ZNF385D: variants seen among roughly 807,000 people sequenced by gnomAD.
The protein encoded by ZNF385D is zinc finger protein 659.
ZNF385D carries 15 observed loss-of-function variants against 35.8 expected under a neutral mutation model. The observed-to-expected ratio is 0.42, with a 90% CI of 0.28 to 0.64. ZNF385D has a LOEUF of 0.64. Among genes scored for constraint, ZNF385D ranks in the 30% least tolerant of loss-of-function variants. The pLI is 0.23. For synonymous variants in ZNF385D, 212 were observed against 186.8 expected, an observed-to-expected ratio of 1.13 and a Z score of -1.10; for missense variants, 474 against 494.6, an observed-to-expected ratio of 0.96 and a Z score of 0.39.
intron 2 of ZNF385D, among the ~76,000 whole-genome samples, chr3:22,249,702 C>G (rs1263694762): frequency 6.6e-6 from 1 of 152,142 alleles, no homozygotes; most frequent in Non-Finnish European, 1.5e-5. Context: ...TTTTGACAAA[C>G]CCTTTCAAAG....
At chr3:22,205,418 C>A (rs1481976439) in intron 2 of ZNF385D, among the ~76,000 whole-genome samples, 1 of 151,488 alleles carries the variant, frequency 6.6e-6, no homozygotes, top group African/African-American at 2.4e-5. Context: ...TTATGAGCAA[C>A]AATAAATCAT....
chr3:21,873,880 C>A (rs1384560983), intron 3 of ZNF385D, among the ~76,000 whole-genome samples: 2 of 151,936 alleles, frequency 1.3e-5, no homozygotes, highest in Non-Finnish European at 2.9e-5. Context: ...AACTATTTTT[C>A]TCTCCATGAA....
At chr3:21,423,885 G>A in intron 7 of ZNF385D, 78 bp downstream of exon 7, 2 of 1,398,222 alleles carry the variant, frequency 1.4e-6, no homozygotes, top group South Asian at 2.5e-5. Flanking sequence ...GTTAAAGGTG[G>A]CAAAATGCCA....
chr3:21,770,096 T>G (rs2071011126), intron 3 of ZNF385D, among the ~76,000 whole-genome samples: 1 of 152,132 alleles, frequency 6.6e-6, no homozygotes, highest in South Asian at 2.1e-4. Flanking sequence ...TCAAGATGGA[T>G]TAAAGACTTA....
chr3:21,698,713 T>C (rs2067560613), intron 1 of ZNF385D, among the ~76,000 whole-genome samples: 1 of 148,380 alleles, frequency 6.7e-6, no homozygotes, highest in Non-Finnish European at 1.5e-5. Context: ...AGAAGACATT[T>C]ATGCAGCCAA....
At chr3:21,493,802 C>G (rs1449274318) in intron 4 of ZNF385D, among the ~76,000 whole-genome samples, 1 of 151,996 alleles carries the variant, frequency 6.6e-6, no homozygotes, top group Non-Finnish European at 1.5e-5. Context: ...TAAAGATCAC[C>G]TTAGTTGCCT....
At chr3:21,596,050 C>T (rs975286513) in intron 2 of ZNF385D, among the ~76,000 whole-genome samples, 1 of 152,108 alleles carries the variant, frequency 6.6e-6, no homozygotes, top group African/African-American at 2.4e-5. Context: ...GTGGTAAGAA[C>T]CAGCAATTTA....
At chr3:21,873,091 G>C (rs1398069108) in intron 3 of ZNF385D, among the ~76,000 whole-genome samples, 2 of 151,996 alleles carry the variant, frequency 1.3e-5, no homozygotes, top group African/African-American at 4.8e-5. Context: ...GGTACAAGTG[G>C]ATTTTATAAA....
intron 3 of ZNF385D, among the ~76,000 whole-genome samples, chr3:21,547,948 G>A (rs2062435087): frequency 6.6e-6 from 1 of 152,090 alleles, no homozygotes. Flanking sequence ...AGACAGCCAG[G>A]TGGGAGGGGG....
intron 3 of ZNF385D, among the ~76,000 whole-genome samples, chr3:21,785,963 G>A (rs184457609): frequency 1.2e-4 from 18 of 151,708 alleles, no homozygotes; most frequent in South Asian, 1.0e-3. Context: ...GTGAGAAAGC[G>A]AGAAACAAAA....
intron 3 of ZNF385D, among the ~76,000 whole-genome samples, chr3:21,937,821 T>G (rs1419032751): frequency 6.6e-6 from 1 of 152,226 alleles, no homozygotes; most frequent in Non-Finnish European, 1.5e-5. Context: ...TTGCTTTAAA[T>G]GTAGTTAATA....
intron 2 of ZNF385D, among the ~76,000 whole-genome samples, chr3:22,228,821 T>C (rs1227632990): frequency 6.6e-6 from 1 of 152,076 alleles, no homozygotes; most frequent in Non-Finnish European, 1.5e-5. Context: ...ACTGGCTGAG[T>C]CTTCTGACCT....
intron 3 of ZNF385D, among the ~76,000 whole-genome samples, chr3:21,870,533 A>G (rs1336180292): frequency 6.6e-6 from 1 of 152,136 alleles, no homozygotes; most frequent in Non-Finnish European, 1.5e-5. Flanking sequence ...AATGTATCTG[A>G]TCTCTGATTT....
intron 7 of ZNF385D, among the ~76,000 whole-genome samples, chr3:21,423,459 A>T (rs540802937): frequency 6.6e-6 from 1 of 152,322 alleles, no homozygotes; most frequent in African/African-American, 2.4e-5. Flanking sequence ...CTGTTCATCA[A>T]TATTCATCTA....
chr3:21,869,394 T>C (rs1415148086), intron 3 of ZNF385D, among the ~76,000 whole-genome samples: 2 of 152,110 alleles, frequency 1.3e-5, no homozygotes, highest in African/African-American at 2.4e-5. Context: ...AAATGTAATA[T>C]CTTACAACAT....
At chr3:22,105,270 A>G (rs1157796543) in intron 3 of ZNF385D, among the ~76,000 whole-genome samples, 1 of 152,006 alleles carries the variant, frequency 6.6e-6, no homozygotes, top group African/African-American at 2.4e-5. Flanking sequence ...TGTACATTTA[A>G]CACACTTAAT....
chr3:21,997,292 G>T (rs967255541), intron 3 of ZNF385D, among the ~76,000 whole-genome samples: 4 of 152,060 alleles, frequency 2.6e-5, no homozygotes, highest in Admixed American at 2.6e-4. Flanking sequence ...GGTGGGAATT[G>T]AACAATGAGA....
intron 3 of ZNF385D, among the ~76,000 whole-genome samples, chr3:22,077,630 A>G (rs1035697443): frequency 1.3e-5 from 2 of 151,958 alleles, no homozygotes; most frequent in African/African-American, 2.4e-5. Flanking sequence ...TAAATATTTG[A>G]TGTTTTTGGC....
At chr3:21,913,497 C>G (rs537403234) in intron 3 of ZNF385D, among the ~76,000 whole-genome samples, 1 of 152,100 alleles carries the variant, frequency 6.6e-6, no homozygotes, top group Non-Finnish European at 1.5e-5. Context: ...GTATTATGCT[C>G]ATCCTTACAG....
Sources: gnomAD v4.1 joint callset for allele counts (sites outside exome capture counted in the v4.1 genomes callset) on GRCh38, gnomAD v4.1.1 for gene constraint, MANE v1.5 for transcripts, NCBI Gene and HGNC (gene_info 2026-07-23, HGNC 2026-07-21) for gene names.